The following RORB variants were observed in gnomAD, a reference collection of about 807,000 sequenced individuals.
The protein encoded by RORB is RAR related orphan receptor B.
A neutral mutation model predicts 59.1 loss-of-function variants in RORB; 6 were observed. The ratio of observed to expected loss-of-function variants is 0.10; its 90% CI spans 0.06 to 0.20. The LOEUF is 0.20. Ranked by LOEUF, RORB falls within the 10% of genes least tolerant of loss-of-function variation. The probability of loss-of-function intolerance (pLI) is 1.00; values close to 1 mark genes in which losing one functional copy is unlikely to be tolerated. For missense variants in RORB, 320 were observed against 560.5 expected (o/e 0.57, Z 4.33); for synonymous variants, 215 against 204.5 (o/e 1.05, Z -0.44).
At chr9:74,523,911 C>T (rs1468540105) in intron 1 of RORB, among the ~76,000 whole-genome samples, 1 of 149,496 alleles carries the variant, frequency 6.7e-6, no homozygotes, top group Admixed American at 6.7e-5. Context: ...GTGAAATGCT[C>T]TTGAGAATGA....
In RORB at chr9:74,556,682, A is replaced by C. The variant is rs541438162; in HGVS notation, c.7+58699A>C. On this transcript the variant is annotated intron_variant, in intron 1 of 9. Coordinates refer to ENST00000376896, the MANE Select transcript of RORB (RefSeq NM_006914.4). ...ATGAGATAAATGGCAACAACAACAA[A>C]AAAAATTCACCAGGAAAGTCATTCC... 7.7e-4 allele frequency among the ~76,000 whole-genome samples: 118 copies of C among 152,280 alleles called. No homozygotes were observed. In the Middle Eastern group the frequency reaches 0.014, roughly 18 times the overall value.
At chr9:74,649,516 G>T (rs1452896215) in intron 4 of RORB, among the ~76,000 whole-genome samples, 5 of 152,096 alleles carry the variant, frequency 3.3e-5, no homozygotes, top group African/African-American at 1.2e-4. Context: ...AATTATCGTA[G>T]AGGATACCTG....
chr9:74,519,491 A>T (rs898962207), intron 1 of RORB, among the ~76,000 whole-genome samples: 4 of 152,056 alleles, frequency 2.6e-5, no homozygotes, highest in African/African-American at 9.7e-5. Flanking sequence ...ATTCAAAAAG[A>T]GAAAGACGGC....
At chr9:74,575,978 G>A (rs964019789) in intron 1 of RORB, among the ~76,000 whole-genome samples, 2 of 151,982 alleles carry the variant, frequency 1.3e-5, no homozygotes, top group Non-Finnish European at 2.9e-5. Flanking sequence ...TAAAATAATG[G>A]TCTTCTTCAA....
At chr9:74,675,320 T>C (rs895602012) in intron 9 of RORB, among the ~76,000 whole-genome samples, 1 of 149,012 alleles carries the variant, frequency 6.7e-6, no homozygotes, top group Non-Finnish European at 1.5e-5. Flanking sequence ...AATACATACA[T>C]ATATATATAT....
chr9:74,605,463 G>A (rs768174812), intron 1 of RORB, among the ~76,000 whole-genome samples: 4 of 152,052 alleles, frequency 2.6e-5, no homozygotes, highest in African/African-American at 4.8e-5. Flanking sequence ...CAGTATAGGC[G>A]GTGTGTCCAC....
chr9:74,626,318 T>C (rs1040315573), intron 1 of RORB, among the ~76,000 whole-genome samples: 1 of 152,176 alleles, frequency 6.6e-6, no homozygotes, highest in African/African-American at 2.4e-5. Flanking sequence ...TTTTAAATCT[T>C]TCATGACACT....
intron 1 of RORB, among the ~76,000 whole-genome samples, chr9:74,601,668 C>A (rs968308946): frequency 4.6e-5 from 7 of 152,142 alleles, no homozygotes; most frequent in African/African-American, 1.7e-4. Context: ...GGAAGGACTT[C>A]CTACCGTGGG....
chr9:74,674,888 C>T (rs1824410614), intron 9 of RORB, among the ~76,000 whole-genome samples: 5 of 152,314 alleles, frequency 3.3e-5, no homozygotes, highest in Middle Eastern at 6.8e-3. Flanking sequence ...CTTTAACTCT[C>T]TGTGCCTCCA....
At chr9:74,575,018 T>C (rs1346560449) in intron 1 of RORB, among the ~76,000 whole-genome samples, 1 of 151,986 alleles carries the variant, frequency 6.6e-6, no homozygotes, top group Non-Finnish European at 1.5e-5. Context: ...CTATAAGAAA[T>C]TGAAGTTACA....
At chr9:74,575,936 T>C (rs1466989023) in intron 1 of RORB, among the ~76,000 whole-genome samples, 3 of 152,142 alleles carry the variant, frequency 2.0e-5, no homozygotes, top group Non-Finnish European at 4.4e-5. Flanking sequence ...TTATTAATAT[T>C]ATCACGCAGG....
At chr9:74,588,973 A>G (rs1478738940) in intron 1 of RORB, among the ~76,000 whole-genome samples, 2 of 152,136 alleles carry the variant, frequency 1.3e-5, no homozygotes, top group East Asian at 3.8e-4. Context: ...AAAGAAGTGA[A>G]GGCTTCATGT....
chr9:74,631,276 T>C (rs891034197), intron 2 of RORB, among the ~76,000 whole-genome samples: 5 of 152,216 alleles, frequency 3.3e-5, no homozygotes, highest in Non-Finnish European at 7.4e-5. Context: ...AACAGTTCTA[T>C]AGCTAACGCT....
At chr9:74,545,793 T>C (rs567675885) in intron 1 of RORB, among the ~76,000 whole-genome samples, 4 of 143,386 alleles carry the variant, frequency 2.8e-5, no homozygotes, top group African/African-American at 1.0e-4. Context: ...GAGTAACTCT[T>C]ATTTTACCTG....
At position 74,634,821 on chromosome 9, in the gene RORB, C is replaced by G. The variant is rs764478906; in HGVS notation, c.235+49C>G. 7 of 1,545,474 alleles carry G rather than the reference C, an allele frequency of 4.5e-6. No homozygotes were observed. In the East Asian group the frequency reaches 6.9e-5, roughly 15 times the overall value. On this transcript the variant is annotated intron_variant, in intron 3 of 9. Transcript: ENST00000376896. ...TTACTTAAGCCCTTTCAAATGGATG[C>G]TTTGCTGGAGTCTATTTAAGCTGCT... is the stretch of plus-strand genomic sequence containing the variant.
At chr9:74,498,410 G>C (rs1331499183) in intron 1 of RORB, 5 of 179,270 alleles carry the variant, frequency 2.8e-5, no homozygotes, top group Non-Finnish European at 4.7e-5. Flanking sequence ...CACCGGCCGG[G>C]GGCAGGGTGG....
chr9:74,612,563 C>T (rs772239440), intron 1 of RORB, among the ~76,000 whole-genome samples: 8 of 152,134 alleles, frequency 5.3e-5, no homozygotes, highest in Non-Finnish European at 1.2e-4. Context: ...TGTTTCTAGG[C>T]GACAAGCATA....
intron 1 of RORB, among the ~76,000 whole-genome samples, chr9:74,578,158 T>G (rs932117814): frequency 1.3e-5 from 2 of 152,096 alleles, no homozygotes; most frequent in Non-Finnish European, 2.9e-5. Flanking sequence ...CTATGCTTGC[T>G]GTTTTTCTTT....
At position 74,685,632 on chromosome 9, in the gene RORB, A is replaced by G. The variant is rs1440536054; in HGVS notation, c.*14A>G. ...GGCTGCAAATGAAGGGGACAAGAGA[A>G]CTGTCTCATAGTCATGGAATGCATC... On this transcript the variant is annotated 3_prime_UTR_variant, in exon 10 of 10. Coordinates refer to ENST00000376896, the MANE Select transcript of RORB (RefSeq NM_006914.4). 14 of 1,575,668 alleles carry G rather than the reference A, an allele frequency of 8.9e-6. 1 individual carries two copies. In the South Asian group the frequency reaches 1.4e-4, roughly 16 times the overall value.
Sources: allele counts gnomAD v4.1 joint callset (sites outside exome capture counted in the v4.1 genomes callset), GRCh38; gene constraint gnomAD v4.1.1; transcripts MANE v1.5; gene names NCBI Gene and HGNC (gene_info 2026-07-23, HGNC 2026-07-21).